KLHL1: variants seen among roughly 807,000 people sequenced by gnomAD.
KLHL1 encodes kelch like family member 1.
In KLHL1, 47 loss-of-function variants were observed where a neutral mutation model predicts 77.7. The observed-to-expected ratio is 0.60, with a 90% CI of 0.48 to 0.77. KLHL1 has a LOEUF of 0.77. Ranked by LOEUF, KLHL1 falls within the 30% of genes least tolerant of loss-of-function variation. KLHL1 has a pLI of 0.00. For missense variants in KLHL1, 925 were observed against 910.8 expected, an observed-to-expected ratio of 1.02 and a Z score of -0.20; for synonymous variants, 360 against 325.2, an observed-to-expected ratio of 1.11 and a Z score of -1.15.
intron 6 of KLHL1, among the ~76,000 whole-genome samples, chr13:69,817,484 A>G (rs895808679): frequency 6.6e-6 from 1 of 152,164 alleles, no homozygotes; most frequent in Non-Finnish European, 1.5e-5. Flanking sequence ...ATTCATTGAG[A>G]TTTACTCATT....
intron 1 of KLHL1, among the ~76,000 whole-genome samples, chr13:69,988,593 T>C (rs1408031943): frequency 6.6e-6 from 1 of 152,126 alleles, no homozygotes; most frequent in Non-Finnish European, 1.5e-5. Context: ...GTGTAAGCAT[T>C]CCCTTTCCTC....
intron 1 of KLHL1, among the ~76,000 whole-genome samples, chr13:70,024,618 A>ATTTCTCTCTC (rs1566508692): frequency 3.2e-5 from 2 of 62,594 alleles, no homozygotes; most frequent in Non-Finnish European, 8.5e-5. Context: ...AGGAGAAAAG[A>ATTTCTCTCTC]TTTCTCTCTC....
intron 5 of KLHL1, among the ~76,000 whole-genome samples, chr13:69,847,684 A>T (rs1879524942): frequency 6.6e-6 from 1 of 151,566 alleles, no homozygotes. Flanking sequence ...AATTTCATGT[A>T]CTTCATCTTA....
In KLHL1 at chr13:69,935,494, G is replaced by A. The variant is rs1237996273; in HGVS notation, c.1014+4546C>T. ...AACAAGGACTCTAAAAAATAAAAAAGGAGTGTAAGAGAATAGAGAGTTTTG... is the reference window on the plus strand; with the variant it reads ...AACAAGGACTCTAAAAAATAAAAAAAGAGTGTAAGAGAATAGAGAGTTTTG... On this transcript the variant is annotated intron_variant, in intron 4 of 10. Coordinates refer to ENST00000377844, the MANE Select transcript of KLHL1 (RefSeq NM_020866.3). Among the ~76,000 whole-genome samples, 3 of 152,170 alleles carry A rather than the reference G, an allele frequency of 2.0e-5. No homozygotes were observed. In the East Asian group the frequency reaches 5.8e-4, roughly 29 times the overall value.
At chr13:69,712,883 C>T (rs1210849114) in intron 9 of KLHL1, among the ~76,000 whole-genome samples, 1 of 151,360 alleles carries the variant, frequency 6.6e-6, no homozygotes, top group East Asian at 2.0e-4. Flanking sequence ...ATCAAGAGAT[C>T]TTGAGCACCA....
At chr13:69,886,157 A>C (rs886990830) in intron 4 of KLHL1, among the ~76,000 whole-genome samples, 1 of 152,156 alleles carries the variant, frequency 6.6e-6, no homozygotes, top group Non-Finnish European at 1.5e-5. Flanking sequence ...TCATGAACAC[A>C]CACATACATA....
At chr13:69,784,001 C>A (rs1250590088) in intron 7 of KLHL1, among the ~76,000 whole-genome samples, 1 of 152,162 alleles carries the variant, frequency 6.6e-6, no homozygotes, top group Non-Finnish European at 1.5e-5. Flanking sequence ...AGAAACTCTA[C>A]AAGCCAGAAG....
intron 2 of KLHL1, among the ~76,000 whole-genome samples, chr13:69,973,642 T>C (rs917205280): frequency 2.0e-5 from 3 of 151,896 alleles, no homozygotes; most frequent in Non-Finnish European, 4.4e-5. Flanking sequence ...TAGTTTTGCG[T>C]TAATTACAAC....
chr13:69,928,766 G>A (rs2138277678), intron 4 of KLHL1, among the ~76,000 whole-genome samples: 1 of 152,204 alleles, frequency 6.6e-6, no homozygotes, highest in Admixed American at 6.5e-5. Context: ...AGCCTAAGGA[G>A]GTAAATGGAG....
intron 1 of KLHL1, among the ~76,000 whole-genome samples, chr13:70,029,837 G>A (rs1886049666): frequency 6.6e-6 from 1 of 152,170 alleles, no homozygotes; most frequent in South Asian, 2.1e-4. Context: ...CCATCAGTGT[G>A]CTGTATTCAT....
At chr13:69,814,075 C>A (rs74986263) in intron 6 of KLHL1, among the ~76,000 whole-genome samples, 3,511 of 152,034 alleles carry the variant, frequency 0.023, 134 homozygotes, top group African/African-American at 0.081. Flanking sequence ...AGAATAGAGA[C>A]CCCTGAAATA....
chr13:69,934,806 A>G (rs896477421), intron 4 of KLHL1, among the ~76,000 whole-genome samples: 4 of 150,606 alleles, frequency 2.7e-5, no homozygotes, highest in African/African-American at 9.8e-5. Flanking sequence ...TGTTATGAAC[A>G]TTCTTTAACC....
intron 3 of KLHL1, among the ~76,000 whole-genome samples, chr13:69,956,702 A>G (rs1299030423): frequency 6.6e-6 from 1 of 151,550 alleles, no homozygotes; most frequent in Non-Finnish European, 1.5e-5. Context: ...CTTTTACCTC[A>G]TTGATTGGGC....
intron 4 of KLHL1, among the ~76,000 whole-genome samples, chr13:69,917,204 T>G (rs1224263114): frequency 6.6e-6 from 1 of 152,006 alleles, no homozygotes; most frequent in Non-Finnish European, 1.5e-5. Context: ...CTGTATATTC[T>G]TCTATGCCGT....
chr13:70,095,313 G>A (rs1887761408), intron 1 of KLHL1, among the ~76,000 whole-genome samples: 1 of 152,148 alleles, frequency 6.6e-6, no homozygotes, highest in African/African-American at 2.4e-5. Context: ...GAAAGAGAGA[G>A]ATTGTTCTAT....
At chr13:69,789,724 A>ATAAG (rs1187390860) in intron 7 of KLHL1, among the ~76,000 whole-genome samples, 4 of 152,164 alleles carry the variant, frequency 2.6e-5, no homozygotes, top group Non-Finnish European at 5.9e-5. Context: ...ATTGATGACA[A>ATAAG]TAAGTTGAGC....
At chr13:70,097,693 T>A (rs902975958) in intron 1 of KLHL1, among the ~76,000 whole-genome samples, 3 of 152,066 alleles carry the variant, frequency 2.0e-5, no homozygotes, top group South Asian at 2.1e-4. Flanking sequence ...ACAGTCTATA[T>A]GTATTTTACT....
Position 69,849,604 on chromosome 13 carries a change from C to T in KLHL1, c.1228-10442G>A, listed in dbSNP as rs375569092. Among the ~76,000 whole-genome samples the T allele has an allele frequency of 5.9e-5, 9 of 151,330 alleles. No homozygotes were observed. In the East Asian group the frequency reaches 1.7e-3, roughly 29 times the overall value. ...GTCCTATTACTTTCATGAAGATTTA[C>T]TTCATCACTCAGGTCACAGTCAACA... is the stretch of plus-strand genomic sequence containing the variant. On this transcript the variant is annotated intron_variant, in intron 5 of 10. Transcript: ENST00000377844.
At chr13:69,988,658 C>A (rs1027202449) in intron 1 of KLHL1, among the ~76,000 whole-genome samples, 1 of 152,066 alleles carries the variant, frequency 6.6e-6, no homozygotes, top group Admixed American at 6.6e-5. Flanking sequence ...GCCATTCTGA[C>A]TGGTGTGAGA....
Sources: gnomAD v4.1 joint callset for allele counts (sites outside exome capture counted in the v4.1 genomes callset) on GRCh38, gnomAD v4.1.1 for gene constraint, MANE v1.5 for transcripts, NCBI Gene and HGNC (gene_info 2026-07-23, HGNC 2026-07-21) for gene names.